NELL2: variants seen among roughly 807,000 people sequenced by gnomAD.
NELL2 encodes neural EGFL like 2.
NELL2 carries 41 observed loss-of-function variants against 109.6 expected under a neutral mutation model. The observed-to-expected ratio is 0.37, with a 90% confidence interval of 0.29 to 0.49. NELL2 has a LOEUF of 0.49. Among genes scored for constraint, NELL2 ranks in the 20% least tolerant of loss-of-function variants. The pLI, the probability that NELL2 is intolerant of heterozygous loss-of-function variation, is 0.98. For synonymous variants in NELL2, 355 were observed against 344.7 expected, an observed-to-expected ratio of 1.03 and a Z score of -0.33; for missense variants, 900 against 1,008.3, an observed-to-expected ratio of 0.89 and a Z score of 1.45.
Position 44,707,388 on chromosome 12 carries a change from C to T in NELL2, c.1190-3534G>A, listed in dbSNP as rs569994937. ...TGTAGGGGTATAGCTGAGAACACAT[C>T]GAGCCTCAAAATAAAGCTATCTCAC... is the stretch of plus-strand genomic sequence containing the variant. On this transcript the variant is annotated intron_variant, in intron 11 of 19. Coordinates refer to ENST00000429094, the MANE Select transcript of NELL2 (RefSeq NM_001145108.2). Among the ~76,000 whole-genome samples, 11 of 152,176 alleles carry T rather than the reference C, an allele frequency of 7.2e-5. No individual in the cohort carries two copies. In the East Asian group the frequency reaches 7.7e-4, roughly 11 times the overall value.
intron 2 of NELL2, among the ~76,000 whole-genome samples, chr12:44,846,095 G>A (rs375832970): frequency 1.3e-5 from 2 of 152,272 alleles, no homozygotes; most frequent in East Asian, 3.9e-4. Context: ...CTAATGATTG[G>A]AGTACATCCC....
intron 13 of NELL2, among the ~76,000 whole-genome samples, chr12:44,625,531 G>C (rs1013595994): frequency 9.2e-5 from 14 of 152,028 alleles, no homozygotes; most frequent in Non-Finnish European, 5.9e-5. Flanking sequence ...GTTTGGCAGA[G>C]TGTCTGACCA....
chr12:44,844,103 T>A (rs1174135116), intron 2 of NELL2, among the ~76,000 whole-genome samples: 1 of 152,096 alleles, frequency 6.6e-6, no homozygotes, highest in Non-Finnish European at 1.5e-5. Flanking sequence ...TGGCAAAAGG[T>A]GAAAGGGCAA....
intron 9 of NELL2, among the ~76,000 whole-genome samples, chr12:44,765,746 A>T (rs966721383): frequency 6.6e-6 from 1 of 152,318 alleles, no homozygotes; most frequent in Non-Finnish European, 1.5e-5. Flanking sequence ...TTTTATAGTT[A>T]AATATTTTTA....
At chr12:44,887,442 T>A (rs1945486425) in intron 1 of NELL2, among the ~76,000 whole-genome samples, 1 of 152,034 alleles carries the variant, frequency 6.6e-6, no homozygotes, top group South Asian at 2.1e-4. Context: ...CATTATTGCC[T>A]GTCTTTTTTA....
At chr12:44,776,645 G>T (rs1941768795) in intron 7 of NELL2, among the ~76,000 whole-genome samples, 1 of 152,130 alleles carries the variant, frequency 6.6e-6, no homozygotes, top group South Asian at 2.1e-4. Context: ...AATAATCCTA[G>T]AACTGTAACA....
chr12:44,824,657 TGTTATTTATTTATTTATTTA>T (rs1362061099), intron 2 of NELL2, among the ~76,000 whole-genome samples: 1 of 145,848 alleles, frequency 6.9e-6, no homozygotes, highest in Non-Finnish European at 1.5e-5. Flanking sequence ...AGTTTTGTAG[TGTTATTTATTTATTTATTTA>T]TTTATTTATT....
chr12:44,705,543 CCTT>C (rs938725535), intron 11 of NELL2, among the ~76,000 whole-genome samples: 1 of 152,038 alleles, frequency 6.6e-6, no homozygotes, highest in African/African-American at 2.4e-5. Flanking sequence ...CTTTTTATTT[CCTT>C]CTTCTTTAAA....
At chr12:44,593,147 T>A (rs1159381345) in intron 15 of NELL2, among the ~76,000 whole-genome samples, 1 of 152,114 alleles carries the variant, frequency 6.6e-6, no homozygotes, top group Non-Finnish European at 1.5e-5. Context: ...AATGTCCAAG[T>A]GAAAATACAA....
At chr12:44,706,904 G>T (rs1937913422) in intron 11 of NELL2, among the ~76,000 whole-genome samples, 1 of 152,034 alleles carries the variant, frequency 6.6e-6, no homozygotes, top group African/African-American at 2.4e-5. Flanking sequence ...ATCAAGTGTA[G>T]AACTTTTGGT....
At chr12:44,578,425 C>T (rs1184090918) in intron 15 of NELL2, among the ~76,000 whole-genome samples, 1 of 45,626 alleles carries the variant, frequency 2.2e-5, no homozygotes, top group African/African-American at 2.1e-4. Context: ...AGTAATTGAT[C>T]AAGATAGGAA....
Position 44,824,803 on chromosome 12 carries a change from C to T in NELL2, c.185-8667G>A, listed in dbSNP as rs1340359556. Among the ~76,000 whole-genome samples, 4 of 151,026 alleles carry T rather than the reference C, an allele frequency of 2.6e-5. No homozygotes were observed. The South Asian group carries it at 6.3e-4, about 24-fold the overall frequency. On this transcript the variant is annotated intron_variant, in intron 2 of 19. Coordinates refer to ENST00000429094, the MANE Select transcript of NELL2 (RefSeq NM_001145108.2). ...TCGGCTAATCGCAAGCTCCGCCTCC[C>T]GGGTTCACGCCATTCTCCTGCCTCA...
At chr12:44,753,107 A>G (rs1940728005) in intron 9 of NELL2, among the ~76,000 whole-genome samples, 1 of 152,080 alleles carries the variant, frequency 6.6e-6, no homozygotes. Flanking sequence ...TCCTCCAAAT[A>G]GTTACATGGC....
rs980706560 is a variant in NELL2, at chr12:44,665,370, C to T, written c.1444+114G>A. On this transcript the variant is annotated intron_variant, in intron 13 of 19. Transcript: ENST00000429094. ...ACCAAATCAAGAAGATATGATTTTG[C>T]TAATGTTTTGTTGTATTTATGGTAT... is the stretch of plus-strand genomic sequence containing the variant. 14 of 836,008 alleles carry T rather than the reference C, an allele frequency of 1.7e-5. No homozygotes were observed. In the Admixed American group the frequency reaches 1.9e-4, roughly 12 times the overall value. 51.8% of individuals were successfully genotyped at this position (836,008 alleles called of 1,614,324 possible). A position where few individuals can be genotyped will look rare whatever the true frequency, so the allele number is the denominator to read the frequency against.
intron 1 of NELL2, among the ~76,000 whole-genome samples, chr12:44,912,125 A>T (rs1945786966): frequency 6.6e-6 from 1 of 152,018 alleles, no homozygotes; most frequent in South Asian, 2.1e-4. Flanking sequence ...AAAAATCAGC[A>T]GAATCTAAAA....
chr12:44,835,278 G>A (rs1412446354), intron 2 of NELL2, among the ~76,000 whole-genome samples: 2 of 152,216 alleles, frequency 1.3e-5, no homozygotes, highest in Non-Finnish European at 2.9e-5. Context: ...CAGCCAACAG[G>A]AAGGCAGAAA....
intron 5 of NELL2, among the ~76,000 whole-genome samples, chr12:44,778,783 C>T (rs1941845839): frequency 6.6e-6 from 1 of 152,180 alleles, no homozygotes; most frequent in Non-Finnish European, 1.5e-5. Flanking sequence ...TGCATCAAGA[C>T]TAGCAAGGCT....
chr12:44,532,553 A>G (rs554238353), intron 16 of NELL2, 28 bp downstream of exon 16: 1 of 1,597,168 alleles, frequency 6.3e-7, no homozygotes, highest in Admixed American at 1.8e-5. Context: ...AGAAGTTCTT[A>G]AATTCTAGGT....
At chr12:44,719,136 A>G (rs1200028852) in intron 9 of NELL2, among the ~76,000 whole-genome samples, 1 of 152,220 alleles carries the variant, frequency 6.6e-6, no homozygotes, top group Non-Finnish European at 1.5e-5. Context: ...TTTTAAGAAC[A>G]TAAAAACGAT....
Sources: gnomAD v4.1 joint callset for allele counts (sites outside exome capture counted in the v4.1 genomes callset) on GRCh38, gnomAD v4.1.1 for gene constraint, MANE v1.5 for transcripts, NCBI Gene and HGNC (gene_info 2026-07-23, HGNC 2026-07-21) for gene names.